The following PEX13 variants were observed in gnomAD, a reference collection of about 807,000 sequenced individuals.
PEX13 encodes peroxisome biogenesis factor 13.
Under a neutral mutation model 34.5 loss-of-function variants are expected in PEX13, and 28 were observed. The observed-to-expected ratio is 0.81, with a 90% CI of 0.60 to 1.11. The LOEUF is 1.11. Among genes scored for constraint, PEX13 ranks in the 50% most tolerant of loss-of-function variants. The pLI is 0.00. For missense variants in PEX13, 550 were observed against 491.0 expected (o/e 1.12, Z -1.13); for synonymous variants, 177 against 175.1 (o/e 1.01, Z -0.09).
intron 1 of PEX13, among the ~76,000 whole-genome samples, chr2:61,019,410 TG>T (rs1415602465): frequency 1.3e-5 from 2 of 152,150 alleles, no homozygotes; most frequent in East Asian, 3.8e-4. Context: ...TTCAATTTTT[TG>T]TACAGATGTT....
At chr2:61,039,784 C>G (rs1680592290) in intron 2 of PEX13, among the ~76,000 whole-genome samples, 1 of 152,092 alleles carries the variant, frequency 6.6e-6, no homozygotes, top group African/African-American at 2.4e-5. Flanking sequence ...GCAAAAGAAC[C>G]TATCATCAGA....
At chr2:61,033,277 T>G (rs1680481768) in intron 2 of PEX13, among the ~76,000 whole-genome samples, 2 of 152,094 alleles carry the variant, frequency 1.3e-5, no homozygotes, top group Admixed American at 1.3e-4. Context: ...ATTAGACTGT[T>G]TGAGAGATAA....
At chr2:61,037,282 T>C (rs939312772) in intron 2 of PEX13, among the ~76,000 whole-genome samples, 1 of 152,146 alleles carries the variant, frequency 6.6e-6, no homozygotes, top group African/African-American at 2.4e-5. Context: ...AATAGACGTC[T>C]ACAGAACTCT....
At position 61,031,863 on chromosome 2, in the gene PEX13, T is replaced by C; in HGVS notation, c.537T>C (p.Phe179=). The change falls in exon 2 of 4, where the codon TTT becomes TTC. Residue 179 remains phenylalanine (F), a synonymous_variant. Transcript: ENST00000295030. ...SRLKIHFTKV[F]SAFALVRTIR... is the part of the protein sequence containing the mutation. ...TGAAAATACACTTTACAAAAGTGTT[T>C]TCAGCTTTTGCATTGGTTAGGACTA... The C allele has an allele frequency of 6.2e-7, 1 of 1,613,010 alleles. No individual in the cohort carries two copies. Among genetic ancestry groups the C allele is most frequent in the Non-Finnish European group, 8.5e-7 (1 of 1,178,926 alleles).
chr2:61,031,379 G>A (rs540876118), intron 1 of PEX13, 40 bp from the exon 2 acceptor site: 7 of 1,436,772 alleles, frequency 4.9e-6, no homozygotes, highest in South Asian at 4.6e-5. Flanking sequence ...TGAATTTATT[G>A]TATGCTTAAA....
At chr2:61,044,408 C>T (rs1284360051) in intron 2 of PEX13, among the ~76,000 whole-genome samples, 1 of 152,180 alleles carries the variant, frequency 6.6e-6, no homozygotes, top group Non-Finnish European at 1.5e-5. Context: ...GCCACCACAT[C>T]TGCCTAATTT....
chr2:61,044,939 A>T (rs1281495343), intron 2 of PEX13, among the ~76,000 whole-genome samples: 1 of 152,214 alleles, frequency 6.6e-6, no homozygotes, highest in African/African-American at 2.4e-5. Flanking sequence ...ACCTCCATGC[A>T]AGCACAAAGG....
chr2:61,050,754 G>T lies in PEX13; in HGVS notation c.*1984G>T. ...CCTGCCTCAGCCTCCCGAGTAGCTG[G>T]GACTACAGGCGCCTGCCACCAGGCC... On this transcript the variant is annotated 3_prime_UTR_variant, in exon 4 of 4. Transcript: ENST00000295030. The T allele has an allele frequency of 6.6e-6, 1 of 152,270 alleles. No homozygotes were observed. The highest frequency in any genetic ancestry group is 1.5e-5 in the Non-Finnish European group (1 of 68,070). The allele number at this position is 152,270 out of a possible 1,614,324, so 9.4% of individuals were successfully genotyped here.
At chr2:61,034,530 G>A (rs966784983) in intron 2 of PEX13, among the ~76,000 whole-genome samples, 5 of 152,166 alleles carry the variant, frequency 3.3e-5, no homozygotes, top group African/African-American at 1.2e-4. Flanking sequence ...AGCACAAGGG[G>A]TCAGGGGATT....
chr2:61,045,436 G>A (rs903043799), intron 2 of PEX13, among the ~76,000 whole-genome samples: 29 of 151,958 alleles, frequency 1.9e-4, no homozygotes, highest in Admixed American at 3.3e-4. Context: ...TTTGCCTCTT[G>A]GCTTTCAAAG....
intron 1 of PEX13, among the ~76,000 whole-genome samples, chr2:61,027,024 G>C (rs1680368376): frequency 6.6e-6 from 1 of 151,946 alleles, no homozygotes. Flanking sequence ...AGAATCAGGT[G>C]TAAAAACAGT....
intron 1 of PEX13, among the ~76,000 whole-genome samples, chr2:61,025,777 A>G (rs182885310): frequency 1.3e-5 from 2 of 152,348 alleles, no homozygotes; most frequent in Admixed American, 1.3e-4. Context: ...TTAGGCCACT[A>G]ACAATCTAGA....
In PEX13 at chr2:61,051,746, CTGATTA is replaced by C. The variant is rs1553425556; in HGVS notation, c.*2978_*2983del. Reference sequence around the variant, plus strand: ...ATAAAACATGTTTCTTTTAATTTTTCTGATTATATTTTATGAGTTCAGAAAGGAAAT... The same window carrying C: ...ATAAAACATGTTTCTTTTAATTTTTCTATTTTATGAGTTCAGAAAGGAAAT... On this transcript the variant is annotated 3_prime_UTR_variant, in exon 4 of 4. Coordinates refer to ENST00000295030, the MANE Select transcript of PEX13 (RefSeq NM_002618.4). 1 of 152,066 alleles carries C rather than the reference CTGATTA, an allele frequency of 6.6e-6. No individual in the cohort carries two copies. Among genetic ancestry groups the C allele is most frequent in the Non-Finnish European group, 1.5e-5 (1 of 67,988 alleles). The allele number at this position is 152,066 out of a possible 1,614,324, so 9.4% of individuals were successfully genotyped here. A position where few individuals can be genotyped will look rare whatever the true frequency, so the allele number is the denominator to read the frequency against.
intron 2 of PEX13, among the ~76,000 whole-genome samples, chr2:61,037,011 A>G (rs1332716138): frequency 6.6e-6 from 1 of 152,232 alleles, no homozygotes; most frequent in Admixed American, 6.5e-5. Flanking sequence ...ACTTTAAACA[A>G]AGATCAAAAG....
chr2:61,048,155 A>ATATGAAAGACATTG (rs1299750747), intron 3 of PEX13, among the ~76,000 whole-genome samples: 5 of 152,222 alleles, frequency 3.3e-5, no homozygotes, highest in Non-Finnish European at 7.3e-5. Context: ...CCAGTTTAAA[A>ATATGAAAGACATTG]TATGAAAGAC....
intron 1 of PEX13, 32 bp downstream of exon 1, chr2:61,017,883 A>G (rs1208616064): frequency 5.2e-6 from 8 of 1,540,594 alleles, no homozygotes; most frequent in Non-Finnish European, 7.0e-6. Flanking sequence ...CTGTGAGTTT[A>G]GTGGGCCCGA....
chr2:61,045,928 G>T, intron 3 of PEX13, 77 bp downstream of exon 3: 1 of 1,200,364 alleles, frequency 8.3e-7, no homozygotes, highest in Non-Finnish European at 1.2e-6. Flanking sequence ...CTACAACAAA[G>T]GATCTTGTTC....
chr2:61,035,170 C>A (rs544656156), intron 2 of PEX13, among the ~76,000 whole-genome samples: 1 of 152,284 alleles, frequency 6.6e-6, no homozygotes, highest in South Asian at 2.1e-4. Flanking sequence ...GCTGGTGATA[C>A]CCAGGCAAAC....
Position 61,031,579 on chromosome 2 carries a change from T to G in PEX13, c.253T>G (p.Tyr85Asp). 1 of 1,614,196 alleles carries G rather than the reference T, an allele frequency of 6.2e-7. No individual in the cohort carries two copies. Among genetic ancestry groups the G allele is most frequent in the South Asian group, 1.1e-5 (1 of 91,084 alleles). Residue 85 changes from tyrosine to aspartate, a missense_variant, in exon 2 of 4, where the codon TAT becomes GAT. Coordinates refer to ENST00000295030, the MANE Select transcript of PEX13 (RefSeq NM_002618.4). ...YSSFSSGYGA[Y>D]GNSFYGGYSP... ...TTCATTTTCTTCTGGATATGGTGCC[T>G]ATGGAAATTCATTTTATGGAGGCTA... is the stretch of plus-strand genomic sequence containing the variant.
Sources: allele counts gnomAD v4.1 joint callset (sites outside exome capture counted in the v4.1 genomes callset), GRCh38; gene constraint gnomAD v4.1.1; transcripts MANE v1.5; gene names NCBI Gene and HGNC (gene_info 2026-07-23, HGNC 2026-07-21).